The following KMT2E variants were observed in gnomAD, a reference collection of about 807,000 sequenced individuals.
The protein encoded by KMT2E is histone reader KMT2E.
Under a neutral mutation model 184.6 loss-of-function variants are expected in KMT2E, and 30 were observed. The ratio of observed to expected loss-of-function variants is 0.16; its 90% CI spans 0.12 to 0.22. KMT2E has a LOEUF of 0.22. Among genes scored for constraint, KMT2E ranks in the 10% least tolerant of loss-of-function variants. KMT2E has a pLI of 1.00. For missense variants in KMT2E, 2,023 were observed against 2,237.4 expected (o/e 0.90, Z 1.93); for synonymous variants, 815 against 776.5 (o/e 1.05, Z -0.82).
At chr7:105,086,908 T>TTA (rs10630207) in intron 13 of KMT2E, among the ~76,000 whole-genome samples, 91,305 of 145,014 alleles carry the variant, frequency 0.63, 31,400 homozygotes, top group East Asian at 0.93. Flanking sequence ...ATATTATATA[T>TTA]TATATAGCAT....
intron 17 of KMT2E, 93 bp from the exon 18 acceptor site, chr7:105,105,346 A>G: frequency 2.2e-6 from 2 of 894,268 alleles, no homozygotes; most frequent in Non-Finnish European, 1.7e-6. Context: ...TTATCATTTT[A>G]GATAATACAC....
chr7:105,090,429 C>G (rs1163611909), intron 14 of KMT2E, among the ~76,000 whole-genome samples, 156 bp downstream of exon 14: 1 of 152,130 alleles, frequency 6.6e-6, no homozygotes, highest in Non-Finnish European at 1.5e-5. Context: ...ACAAGTTCTG[C>G]TAGAATTTGT....
chr7:105,074,549 G>A, intron 7 of KMT2E, 94 bp from the exon 8 acceptor site: 1 of 896,740 alleles, frequency 1.1e-6, no homozygotes, highest in Non-Finnish European at 1.6e-6. Flanking sequence ...TTAGAAAGAT[G>A]GAGACGACAA....
At chr7:105,105,389 G>A (rs373309733) in intron 17 of KMT2E, 50 bp from the exon 18 acceptor site, 5 of 1,360,150 alleles carry the variant, frequency 3.7e-6, no homozygotes, top group South Asian at 1.5e-5. Flanking sequence ...ATATTCAAGG[G>A]AGAATTTGGA....
intron 2 of KMT2E, among the ~76,000 whole-genome samples, chr7:105,039,424 T>C (rs568018431): frequency 1.3e-5 from 2 of 152,354 alleles, no homozygotes; most frequent in East Asian, 3.9e-4. Context: ...TAAATAAGTA[T>C]ACCACTAAAT....
At chr7:105,102,456 C>T in intron 17 of KMT2E, 2 of 284,710 alleles carry the variant, frequency 7.0e-6, no homozygotes, top group Non-Finnish European at 1.3e-5. Context: ...AGTTTGTCTA[C>T]TTTATGTACA....
chr7:105,037,676 T>G (rs1795714648), intron 1 of KMT2E, among the ~76,000 whole-genome samples: 1 of 152,214 alleles, frequency 6.6e-6, no homozygotes, highest in Non-Finnish European at 1.5e-5. Flanking sequence ...TTCTGTTTAT[T>G]TTAACACGGT....
At position 105,113,111 on chromosome 7, in the gene KMT2E, T is replaced by C. The variant is rs201098096; in HGVS notation, c.5355T>C (p.His1785=). The change falls in exon 27 of 27, where the codon CAT becomes CAC. Residue 1785 remains histidine (H), a synonymous_variant. Coordinates refer to ENST00000311117, the MANE Select transcript of KMT2E (RefSeq NM_182931.3). ...ACCAGCCTTCTGGAACAGGGCCACA[T>C]TGTCCATTACCTGTCACAGGTCCTC... ...PQHQPSGTGP[H]CPLPVTGPHL... The C allele has an allele frequency of 6.7e-5, 108 of 1,614,176 alleles. No individual in the cohort carries two copies. In the East Asian group the frequency reaches 1.9e-3, roughly 28 times the overall value.
intron 3 of KMT2E, among the ~76,000 whole-genome samples, chr7:105,052,718 C>G (rs971200666): frequency 1.3e-5 from 2 of 151,418 alleles, no homozygotes; most frequent in Non-Finnish European, 1.5e-5. Context: ...ACCACCACAC[C>G]CAGCTAATTT....
intron 3 of KMT2E, among the ~76,000 whole-genome samples, chr7:105,050,463 G>A (rs1471190057): frequency 6.6e-6 from 1 of 151,982 alleles, no homozygotes; most frequent in African/African-American, 2.4e-5. Flanking sequence ...TATAATCTCT[G>A]TGTGTGGTTA....
chr7:105,110,443 TG>T, intron 24 of KMT2E, 33 bp from the exon 25 acceptor site: 4 of 1,614,172 alleles, frequency 2.5e-6, no homozygotes, highest in Non-Finnish European at 3.4e-6. Context: ...GCAGCTCTAA[TG>T]TTCTCTTTGG....
chr7:105,041,653 A>G (rs1311854197), intron 3 of KMT2E, among the ~76,000 whole-genome samples: 3 of 151,904 alleles, frequency 2.0e-5, no homozygotes, highest in Middle Eastern at 3.2e-3. Flanking sequence ...CTCTCCTCGG[A>G]CTCCCAAAGT....
intron 1 of KMT2E, among the ~76,000 whole-genome samples, chr7:105,037,437 A>T (rs1238885353): frequency 6.6e-6 from 1 of 152,016 alleles, no homozygotes; most frequent in Non-Finnish European, 1.5e-5. Context: ...ATCGTGGCTC[A>T]CTGCAGCCTT....
intron 3 of KMT2E, among the ~76,000 whole-genome samples, chr7:105,057,559 T>G (rs1426343495): frequency 6.6e-6 from 1 of 152,092 alleles, no homozygotes; most frequent in African/African-American, 2.4e-5. Context: ...ATCCTTTTGC[T>G]TCAGCCTCCT....
chr7:105,090,446 T>C (rs1009482505), intron 14 of KMT2E, among the ~76,000 whole-genome samples, 173 bp downstream of exon 14: 19 of 152,186 alleles, frequency 1.2e-4, no homozygotes, highest in African/African-American at 4.6e-4. Flanking sequence ...TTGTACAGTA[T>C]TTGTTGAATT....
intron 1 of KMT2E, among the ~76,000 whole-genome samples, chr7:105,027,815 AT>A (rs1795234365): frequency 6.6e-6 from 1 of 152,132 alleles, no homozygotes; most frequent in Non-Finnish European, 1.5e-5. Flanking sequence ...TATATTTATA[AT>A]TAATTTTGGT....
At chr7:105,062,090 T>C in intron 3 of KMT2E, 74 bp from the exon 4 acceptor site, 1 of 955,350 alleles carries the variant, frequency 1.0e-6, no homozygotes, top group Non-Finnish European at 1.7e-6. Context: ...GTAAGTACTT[T>C]ATCATTTTAA....
intron 1 of KMT2E, among the ~76,000 whole-genome samples, chr7:105,032,726 A>G (rs768828433): frequency 2.6e-5 from 4 of 152,174 alleles, no homozygotes; most frequent in Non-Finnish European, 5.9e-5. Context: ...GCTGGCCTCA[A>G]ACTCCTGGCC....
chr7:105,107,275 G>A, intron 21 of KMT2E, 53 bp downstream of exon 21: 1 of 1,500,700 alleles, frequency 6.7e-7, no homozygotes, highest in Non-Finnish European at 9.0e-7. Flanking sequence ...CTATTACATT[G>A]TTTTCCTTAA....
Sources: gnomAD v4.1 joint callset for allele counts (sites outside exome capture counted in the v4.1 genomes callset) on GRCh38, gnomAD v4.1.1 for gene constraint, MANE v1.5 for transcripts, NCBI Gene and HGNC (gene_info 2026-07-23, HGNC 2026-07-21) for gene names.